The following ADK variants were observed in gnomAD, a reference collection of about 807,000 sequenced individuals.
ADK encodes N6,N6-dimethyladenosine kinase.
ADK carries 24 observed loss-of-function variants against 44.7 expected under a neutral mutation model. The observed-to-expected ratio is 0.54, with a 90% CI of 0.39 to 0.76. The LOEUF is 0.76. ADK is among the 30% of genes least tolerant of loss of function. The pLI, the probability that ADK is intolerant of heterozygous loss-of-function variation, is 0.00. For missense variants in ADK, 321 were observed against 425.1 expected, an observed-to-expected ratio of 0.76 and a Z score of 2.15; for synonymous variants, 128 against 142.6, an observed-to-expected ratio of 0.90 and a Z score of 0.73.
At chr10:74,499,235 TA>T (rs1305262954) in intron 6 of ADK, among the ~76,000 whole-genome samples, 1 of 152,170 alleles carries the variant, frequency 6.6e-6, no homozygotes, top group Non-Finnish European at 1.5e-5. Context: ...AGTTGTTTTT[TA>T]TATTGAAGCC....
chr10:74,182,209 G>A (rs375799520), intron 1 of ADK, among the ~76,000 whole-genome samples: 3 of 151,886 alleles, frequency 2.0e-5, no homozygotes, highest in East Asian at 3.9e-4. Context: ...TTTTACCTGT[G>A]TTTTTAAAAT....
chr10:74,519,086 A>G (rs1848707829), intron 6 of ADK, among the ~76,000 whole-genome samples: 2 of 151,998 alleles, frequency 1.3e-5, no homozygotes, highest in Admixed American at 1.3e-4. Context: ...TTAATCTAAT[A>G]TATCTAAAAT....
intron 1 of ADK, among the ~76,000 whole-genome samples, chr10:74,196,135 C>A (rs116760498): frequency 0.013 from 1,942 of 152,064 alleles, 48 homozygotes; most frequent in African/African-American, 0.044. Flanking sequence ...CTCCTCACTG[C>A]TGTACTAGCC....
intron 6 of ADK, among the ~76,000 whole-genome samples, chr10:74,503,969 T>C (rs1847962129): frequency 6.6e-6 from 1 of 152,168 alleles, no homozygotes; most frequent in Non-Finnish European, 1.5e-5. Context: ...TTACTTACGC[T>C]ACCTCATACA....
chr10:74,349,698 C>G (rs570715245), intron 4 of ADK, among the ~76,000 whole-genome samples: 7 of 149,810 alleles, frequency 4.7e-5, no homozygotes, highest in Middle Eastern at 3.4e-3. Context: ...CACATAGGCT[C>G]AAAATAAAGG....
intron 6 of ADK, among the ~76,000 whole-genome samples, chr10:74,487,033 T>G (rs1354100462): frequency 6.6e-6 from 1 of 152,132 alleles, no homozygotes; most frequent in Non-Finnish European, 1.5e-5. Flanking sequence ...CTAATCATGA[T>G]TAGTTTTTTG....
intron 10 of ADK, among the ~76,000 whole-genome samples, chr10:74,701,854 G>A (rs1283710767): frequency 1.3e-5 from 2 of 152,326 alleles, no homozygotes; most frequent in African/African-American, 4.8e-5. Context: ...TGAGGCAGGA[G>A]AGTCACTTGA....
intron 4 of ADK, among the ~76,000 whole-genome samples, chr10:74,329,846 A>T (rs1023859944): frequency 6.6e-6 from 1 of 152,158 alleles, no homozygotes; most frequent in Non-Finnish European, 1.5e-5. Flanking sequence ...CATTAAATAG[A>T]TCAGATAAAT....
chr10:74,507,901 A>G (rs1385310468), intron 6 of ADK, among the ~76,000 whole-genome samples: 1 of 152,188 alleles, frequency 6.6e-6, no homozygotes, highest in African/African-American at 2.4e-5. Context: ...GTTAGTGGGA[A>G]TGAAGAAAGA....
At chr10:74,663,811 T>C (rs1854841904) in intron 9 of ADK, among the ~76,000 whole-genome samples, 1 of 152,206 alleles carries the variant, frequency 6.6e-6, no homozygotes, top group South Asian at 2.1e-4. Flanking sequence ...TCTATAAATC[T>C]CTATTATTAG....
chr10:74,406,155 T>C (rs1843917324), intron 6 of ADK, among the ~76,000 whole-genome samples: 1 of 152,202 alleles, frequency 6.6e-6, no homozygotes, highest in Non-Finnish European at 1.5e-5. Context: ...TATTTTTTAT[T>C]CTTGATGTCC....
At chr10:74,224,073 A>G (rs1844429586) in intron 2 of ADK, among the ~76,000 whole-genome samples, 2 of 152,112 alleles carry the variant, frequency 1.3e-5, no homozygotes, top group Admixed American at 1.3e-4. Flanking sequence ...GTGAGACTCT[A>G]TCTCAACAAA....
chr10:74,552,071 G>A (rs1850054270), intron 7 of ADK, among the ~76,000 whole-genome samples: 1 of 151,604 alleles, frequency 6.6e-6, no homozygotes, highest in Admixed American at 6.6e-5. Flanking sequence ...TTCATAGTTG[G>A]TTGAATGTGG....
intron 9 of ADK, among the ~76,000 whole-genome samples, chr10:74,619,700 A>G (rs2134023625): frequency 6.6e-6 from 1 of 152,130 alleles, no homozygotes; most frequent in East Asian, 1.9e-4. Context: ...GCAAATATTT[A>G]TGGGGTACAT....
At chr10:74,595,787 A>G in intron 8 of ADK, among the ~76,000 whole-genome samples, 1 of 133,756 alleles carries the variant, frequency 7.5e-6, no homozygotes, top group South Asian at 2.8e-4. Flanking sequence ...ACCTGAGGTC[A>G]GGAGTTCGAG....
chr10:74,180,831 G>A (rs1451389471), intron 1 of ADK, among the ~76,000 whole-genome samples: 8 of 152,228 alleles, frequency 5.3e-5, no homozygotes, highest in South Asian at 2.1e-4. Context: ...GATTACAGGC[G>A]TGAGCCACCG....
At chr10:74,206,423 C>CTT (rs1043859837) in intron 2 of ADK, among the ~76,000 whole-genome samples, 14 of 152,166 alleles carry the variant, frequency 9.2e-5, no homozygotes, top group African/African-American at 2.9e-4. Flanking sequence ...TAGAACTAGT[C>CTT]TTTTAGAGTC....
At chr10:74,445,741 G>A (rs886957167) in intron 6 of ADK, among the ~76,000 whole-genome samples, 1 of 152,014 alleles carries the variant, frequency 6.6e-6, no homozygotes, top group Non-Finnish European at 1.5e-5. Flanking sequence ...TGGCTGTTGA[G>A]CCTTACCTAA....
chr10:74,408,977 C>T (rs910946378), intron 6 of ADK, among the ~76,000 whole-genome samples: 2 of 152,102 alleles, frequency 1.3e-5, no homozygotes, highest in Admixed American at 6.5e-5. Flanking sequence ...AATTCATCTT[C>T]AGGTTGATTT....
Sources: allele counts gnomAD v4.1 joint callset (sites outside exome capture counted in the v4.1 genomes callset), GRCh38; gene constraint gnomAD v4.1.1; transcripts MANE v1.5; gene names NCBI Gene and HGNC (gene_info 2026-07-23, HGNC 2026-07-21).